The following REPS2 variants were observed in gnomAD, a reference collection of about 807,000 sequenced individuals.
REPS2 encodes the protein RALBP1 associated Eps domain containing 2, also known as ralBP1-associated Eps domain-containing protein 2.
REPS2 carries 23 observed loss-of-function variants against 53.6 expected under a neutral mutation model. The observed-to-expected ratio is 0.43, with a 90% CI of 0.31 to 0.61. The LOEUF is 0.61. Ranked by LOEUF, REPS2 falls within the 20% of genes least tolerant of loss-of-function variation. The pLI, the probability that REPS2 is intolerant of heterozygous loss-of-function variation, is 0.11. For synonymous variants in REPS2, 238 were observed against 218.6 expected, an observed-to-expected ratio of 1.09 and a Z score of -0.78; for missense variants, 446 against 534.9, an observed-to-expected ratio of 0.83 and a Z score of 1.64.
intron 13 of REPS2, among the ~76,000 whole-genome samples, chrX:17,080,409 A>C (rs2062440838): frequency 9.7e-6 from 1 of 102,800 alleles, no homozygotes; most frequent in Non-Finnish European, 2.0e-5. Flanking sequence ...GCCTCCCCTC[A>C]CTCTCCCCTT....
At chrX:17,186,896 C>T in the REPS2 span, among the ~76,000 whole-genome samples, 5 of 110,290 alleles carry the variant, frequency 4.5e-5, no homozygotes, top group Admixed American at 1.9e-4. Context: ...AAATGGGAAC[C>T]ATGTATAATG....
intron 14 of REPS2, among the ~76,000 whole-genome samples, chrX:17,105,337 C>G (rs966914624): frequency 2.6e-4 from 29 of 112,378 alleles, no homozygotes; most frequent in African/African-American, 9.0e-4. Flanking sequence ...TTGCTAGCTG[C>G]TAGTTCAAGC....
Position 17,147,655 on chromosome X carries a change from G to A in REPS2, c.*174G>A. 2 of 352,392 alleles carry A rather than the reference G, an allele frequency of 5.7e-6. No individual in the cohort carries two copies. The highest frequency in any genetic ancestry group is 8.5e-5 in the East Asian group (2 of 23,618). 29.0% of individuals were successfully genotyped at this position (352,392 alleles called of 1,213,427 possible). On this transcript the variant is annotated 3_prime_UTR_variant, in exon 18 of 18. Coordinates refer to ENST00000357277, the MANE Select transcript of REPS2 (RefSeq NM_004726.3). The stretch of plus-strand genomic sequence containing the variant: ...CTTCACTTGTATGTTTTACTGTGGT[G>A]GAAAAAATACTTCAACTGATTATCA...
At chrX:17,135,149 A>G in intron 15 of REPS2, 112 bp from the exon 16 acceptor site, 1 of 761,492 alleles carries the variant, frequency 1.3e-6, no homozygotes, top group Non-Finnish European at 1.9e-6. Flanking sequence ...TAAATAGAGT[A>G]CCCTCCTGAT....
chrX:17,156,421 T>C (rs2148197792), downstream of REPS2, among the ~76,000 whole-genome samples: 1 of 109,240 alleles, frequency 9.2e-6, no homozygotes, highest in African/African-American at 3.3e-5. Flanking sequence ...TATATATATA[T>C]ATATGTATTT....
At chrX:17,133,971 T>G in intron 15 of REPS2, 64 bp downstream of exon 15, 59 of 773,824 alleles carry the variant, frequency 7.6e-5, no homozygotes, top group Non-Finnish European at 1.1e-4. Context: ...TTCTTATCTC[T>G]ATTAGCTGAT....
chrX:17,035,165 T>C (rs1345277235), intron 5 of REPS2, among the ~76,000 whole-genome samples: 1 of 110,333 alleles, frequency 9.1e-6, no homozygotes. Context: ...AGTCAAAAGA[T>C]AATTGATAGT....
chrX:16,946,711 G>T lies in REPS2; in HGVS notation c.-151G>T. On this transcript the variant is annotated 5_prime_UTR_variant, in exon 1 of 18. Transcript: ENST00000357277. ...GCGCGCCGGGAGGAAGCGGCCGCGC[G>T]GCAGCTGCGGGGCGTGGGGGTGGTG... 1.6e-6 allele frequency: 1 copy of T among 612,797 alleles called. No individual in the cohort carries two copies. Among genetic ancestry groups the T allele is most frequent in the Non-Finnish European group, 1.9e-6 (1 of 513,301 alleles). 50.5% of individuals were successfully genotyped at this position (612,797 alleles called of 1,213,427 possible).
At chrX:16,954,173 C>A (rs2060561668) in intron 1 of REPS2, among the ~76,000 whole-genome samples, 1 of 111,039 alleles carries the variant, frequency 9.0e-6, no homozygotes, top group Admixed American at 9.6e-5. Context: ...GTTGCCCAGC[C>A]TGGTCTCAAA....
Position 17,135,366 on chromosome X carries a change from G to A in REPS2, c.1768G>A (p.Ala590Thr). 1 of 1,211,418 alleles carries A rather than the reference G, an allele frequency of 8.3e-7. No homozygotes were observed. The highest frequency in any genetic ancestry group is 1.8e-5 in the South Asian group (1 of 56,793). The change falls in exon 16 of 18, where the codon GCT becomes ACT. Residue 590 changes from alanine (A) to threonine (T), a missense_variant. Transcript: ENST00000357277. Reference sequence around the variant, plus strand: ...GCCTTCCACTGCTGCAAGTGGGCCAGCTTCTGCGGCAACCATGAAACCGCA... The same window carrying A: ...GCCTTCCACTGCTGCAAGTGGGCCAACTTCTGCGGCAACCATGAAACCGCA... ...QEPSTAASGPASAATMKPHPT... is the reference protein window; with the variant it reads ...QEPSTAASGPTSAATMKPHPT...
intron 1 of REPS2, among the ~76,000 whole-genome samples, chrX:16,958,279 A>G (rs2060621435): frequency 9.0e-6 from 1 of 111,475 alleles, no homozygotes; most frequent in Admixed American, 9.5e-5. Context: ...TTCCATGGGC[A>G]TGTGTCTGAG....
intron 1 of REPS2, among the ~76,000 whole-genome samples, chrX:16,966,362 A>C (rs898028015): frequency 8.9e-6 from 1 of 112,164 alleles, no homozygotes; most frequent in Non-Finnish European, 1.9e-5. Context: ...TGAGTATCTC[A>C]TATCTGAAAT....
the REPS2 span, among the ~76,000 whole-genome samples, chrX:17,189,281 T>C: frequency 1.8e-5 from 2 of 108,893 alleles, no homozygotes; most frequent in Non-Finnish European, 3.8e-5. Flanking sequence ...TCTTTTCTTT[T>C]CTTTTTTTCT....
intron 4 of REPS2, among the ~76,000 whole-genome samples, chrX:17,027,450 TCTC>T (rs2061659080): frequency 8.9e-6 from 1 of 111,850 alleles, no homozygotes; most frequent in Admixed American, 9.5e-5. Flanking sequence ...GACGATCTGT[TCTC>T]CTGGTGCTGG....
chrX:17,140,761 A>G (rs1394512812), intron 17 of REPS2, among the ~76,000 whole-genome samples: 3 of 102,945 alleles, frequency 2.9e-5, no homozygotes, highest in Non-Finnish European at 3.9e-5. Context: ...TATTATTATT[A>G]TTATTATTAT....
chrX:17,007,149 C>G (rs898535356), intron 2 of REPS2, among the ~76,000 whole-genome samples: 3 of 111,995 alleles, frequency 2.7e-5, no homozygotes, highest in Non-Finnish European at 5.6e-5. Context: ...CATGCCTGTC[C>G]TGTGAAGTCT....
chrX:16,999,775 G>A (rs957626412), intron 1 of REPS2, among the ~76,000 whole-genome samples: 16 of 109,574 alleles, frequency 1.5e-4, no homozygotes, highest in African/African-American at 4.7e-4. Context: ...GGCCGGGCAC[G>A]GTGGCTCACG....
intron 1 of REPS2, chrX:16,978,715 C>T (rs2060986199): frequency 9.6e-6 from 2 of 209,192 alleles, no homozygotes; most frequent in Admixed American, 1.9e-4. Flanking sequence ...GATAAAATGG[C>T]TTTTCTTAAT....
intron 14 of REPS2, among the ~76,000 whole-genome samples, chrX:17,115,399 G>A (rs1210852610): frequency 1.8e-5 from 2 of 112,541 alleles, no homozygotes; most frequent in Non-Finnish European, 3.8e-5. Flanking sequence ...CCAGCCCTAA[G>A]GCGGTTTTCC....
Sources: gnomAD v4.1 joint callset for allele counts (sites outside exome capture counted in the v4.1 genomes callset) on GRCh38, gnomAD v4.1.1 for gene constraint, MANE v1.5 for transcripts, NCBI Gene and HGNC (gene_info 2026-07-23, HGNC 2026-07-21) for gene names.